The following KCNIP3 variants were observed in gnomAD, a reference collection of about 807,000 sequenced individuals.
KCNIP3 encodes the protein calsenilin.
Under a neutral mutation model 35.0 loss-of-function variants are expected in KCNIP3, and 28 were observed. That is an observed-to-expected ratio of 0.80 (90% CI 0.59 to 1.10). The LOEUF is 1.10. Among genes scored for constraint, KCNIP3 ranks in the 50% least tolerant of loss-of-function variants. The pLI is 0.00. For missense variants in KCNIP3, 295 were observed against 338.4 expected (o/e 0.87, Z 1.01); for synonymous variants, 134 against 133.8 (o/e 1.00, Z -0.01).
At chr2:95,306,069 A>G (rs1438274258) in intron 1 of KCNIP3, among the ~76,000 whole-genome samples, 1 of 152,216 alleles carries the variant, frequency 6.6e-6, no homozygotes, top group Non-Finnish European at 1.5e-5. Flanking sequence ...AAGCTGCCAG[A>G]CTGTTCTCCA....
chr2:95,305,659 T>TC (rs1222312455), intron 1 of KCNIP3, among the ~76,000 whole-genome samples: 1 of 152,216 alleles, frequency 6.6e-6, no homozygotes, highest in South Asian at 2.1e-4. Flanking sequence ...CCTGCCTGCC[T>TC]CCCCCCATCC....
At chr2:95,375,634 C>T (rs994879950) in intron 5 of KCNIP3, among the ~76,000 whole-genome samples, 5 of 152,188 alleles carry the variant, frequency 3.3e-5, no homozygotes, top group Non-Finnish European at 7.3e-5. Flanking sequence ...ATCTAGAAAA[C>T]ATCCCAGCCG....
intron 2 of KCNIP3, among the ~76,000 whole-genome samples, chr2:95,343,623 C>T (rs377085190): frequency 9.2e-5 from 14 of 152,162 alleles, no homozygotes; most frequent in African/African-American, 2.9e-4. Flanking sequence ...CAGGGAATGT[C>T]GGTCAAACTG....
chr2:95,324,036 T>C (rs1678660251), intron 2 of KCNIP3, among the ~76,000 whole-genome samples: 1 of 152,170 alleles, frequency 6.6e-6, no homozygotes, highest in African/African-American at 2.4e-5. Context: ...GGCCACTGCC[T>C]TGGAATCCCC....
chr2:95,382,157 T>C lies in KCNIP3; in HGVS notation c.556-220T>C, dbSNP rs1466905829. Among the ~76,000 whole-genome samples, 1 of 152,180 alleles carries C rather than the reference T, an allele frequency of 6.6e-6. No homozygotes were observed. The highest frequency in any genetic ancestry group is 1.5e-5 in the Non-Finnish European group (1 of 68,034). On this transcript the variant is annotated intron_variant, in intron 6 of 8. Coordinates refer to ENST00000295225, the MANE Select transcript of KCNIP3 (RefSeq NM_013434.5). The surrounding 1 kb of genome is among the most constrained non-coding windows in gnomAD (Gnocchi z 4.5). The stretch of plus-strand genomic sequence containing the variant: ...GCGTCACATTTTGGAGATAAGCACA[T>C]AGCAATCCATCTCCCACTTCTCTGG...
intron 2 of KCNIP3, among the ~76,000 whole-genome samples, chr2:95,351,012 G>A (rs1679504968): frequency 1.3e-5 from 2 of 152,226 alleles, no homozygotes; most frequent in Admixed American, 1.3e-4. Context: ...AGGCCTTCGA[G>A]GACAGGGGCT....
chr2:95,378,827 T>C lies in KCNIP3; in HGVS notation c.448-2769T>C, dbSNP rs570940236. Among the ~76,000 whole-genome samples the C allele has an allele frequency of 1.6e-4, 24 of 150,972 alleles. No homozygotes were observed. The highest frequency in any genetic ancestry group is 2.6e-4 in the Admixed American group (4 of 15,106). On this transcript the variant is annotated intron_variant, in intron 5 of 8. Transcript: ENST00000295225. This position sits in a 1 kb window ranked among gnomAD's most constrained non-coding sequence, Gnocchi z 4.0. ...ATATATACACACACACACACATATA[T>C]ACACACATATTTATATACACATATA...
chr2:95,323,437 C>A (rs1193459160), intron 2 of KCNIP3, among the ~76,000 whole-genome samples: 1 of 152,182 alleles, frequency 6.6e-6, no homozygotes, highest in African/African-American at 2.4e-5. Flanking sequence ...GCAGTCAGTG[C>A]TCTGGGCTCC....
At position 95,374,437 on chromosome 2, in the gene KCNIP3, C is replaced by G; in HGVS notation, c.306+17C>G. 2 of 1,612,014 alleles carry G rather than the reference C, an allele frequency of 1.2e-6. No individual in the cohort carries two copies. Among genetic ancestry groups the G allele is most frequent in the African/African-American group, 1.3e-5 (1 of 75,002 alleles). ...TTTAAGAATGTGAGTGTTCCCCATT[C>G]CCCCGGGAGAGGCCTTGGAGACCCT... On this transcript the variant is annotated intron_variant, in intron 3 of 8. Coordinates refer to ENST00000295225, the MANE Select transcript of KCNIP3 (RefSeq NM_013434.5).
intron 2 of KCNIP3, among the ~76,000 whole-genome samples, chr2:95,354,215 T>C (rs1267887805): frequency 2.0e-5 from 3 of 152,218 alleles, no homozygotes; most frequent in African/African-American, 7.2e-5. Context: ...TCAGATTTTC[T>C]GTGTTCCTGT....
At chr2:95,375,725 C>G (rs1398121581) in intron 5 of KCNIP3, among the ~76,000 whole-genome samples, 1 of 152,154 alleles carries the variant, frequency 6.6e-6, no homozygotes, top group East Asian at 1.9e-4. Context: ...GAAGCCTGTC[C>G]CCCACCCAGA....
intron 2 of KCNIP3, among the ~76,000 whole-genome samples, chr2:95,364,649 A>G (rs57380226): frequency 1.4e-4 from 22 of 152,252 alleles, no homozygotes; most frequent in Non-Finnish European, 2.2e-4. Context: ...TACAATTTAT[A>G]TAATACATTA....
At chr2:95,364,168 G>A (rs1389545425) in intron 2 of KCNIP3, among the ~76,000 whole-genome samples, 1 of 152,062 alleles carries the variant, frequency 6.6e-6, no homozygotes, top group Non-Finnish European at 1.5e-5. Context: ...GCAAATATAA[G>A]CAAATCACGT....
At chr2:95,326,253 CACAT>C (rs955466051) in intron 2 of KCNIP3, among the ~76,000 whole-genome samples, 73 of 60,210 alleles carry the variant, frequency 1.2e-3, no homozygotes, top group African/African-American at 7.0e-3. Context: ...ACAACACTCA[CACAT>C]ACACTCACAC....
chr2:95,367,584 T>C (rs1247778587), intron 2 of KCNIP3, among the ~76,000 whole-genome samples: 2 of 152,222 alleles, frequency 1.3e-5, no homozygotes, highest in Admixed American at 6.5e-5. Context: ...ACGGATTATA[T>C]ACATGTTTTG....
chr2:95,382,288 G>T lies in KCNIP3; in HGVS notation c.556-89G>T, dbSNP rs1680366825. 1.3e-6 allele frequency: 1 copy of T among 753,592 alleles called. No individual in the cohort carries two copies. The highest frequency in any genetic ancestry group is 2.0e-5 in the South Asian group (1 of 50,092). The allele number at this position is 753,592 out of a possible 1,614,324, so 46.7% of individuals were successfully genotyped here. A position where few individuals can be genotyped will look rare whatever the true frequency, so the allele number is the denominator to read the frequency against. ...CCCTCGCACTCACTGCCTTGGAGGT[G>T]CCCTGCACCCTTGGATGCCGCCCGC... is the stretch of plus-strand genomic sequence containing the variant. On this transcript the variant is annotated intron_variant, in intron 6 of 8. Coordinates refer to ENST00000295225, the MANE Select transcript of KCNIP3 (RefSeq NM_013434.5). The surrounding 1 kb of genome is among the most constrained non-coding windows in gnomAD (Gnocchi z 4.5).
chr2:95,383,122 CATCCA>C, intron 7 of KCNIP3, 105 bp from the exon 8 acceptor site: 1 of 415,474 alleles, frequency 2.4e-6, no homozygotes, highest in African/African-American at 3.3e-5. Flanking sequence ...CCCACCCGCC[CATCCA>C]CCCACCCGCC....
rs1679199136 is a variant in KCNIP3 at position 95,341,714 on chromosome 2, G to A, written c.181+31194G>A. On this transcript the variant is annotated intron_variant, in intron 2 of 8. Transcript: ENST00000295225. ...GGGTTGGGACCAGGAACTCAGCCCT[G>A]GTTCTCCTGGACTCCCAGGCCTGTG... Among the ~76,000 whole-genome samples the A allele has an allele frequency of 2.6e-5, 4 of 152,268 alleles. No homozygotes were observed. In the South Asian group the frequency reaches 8.3e-4, roughly 32 times the overall value.
At chr2:95,366,095 C>G (rs1263032127) in intron 2 of KCNIP3, among the ~76,000 whole-genome samples, 1 of 152,192 alleles carries the variant, frequency 6.6e-6, no homozygotes, top group Non-Finnish European at 1.5e-5. Context: ...AGTCCTCCCA[C>G]CTCAGCCTCC....
Sources: allele counts gnomAD v4.1 joint callset (sites outside exome capture counted in the v4.1 genomes callset), GRCh38; gene constraint gnomAD v4.1.1; non-coding constraint Gnocchi (gnomAD v3.1); transcripts MANE v1.5; gene names NCBI Gene and HGNC (gene_info 2026-07-23, HGNC 2026-07-21).